Variants in CAPN8 observed in about 807,000 individuals in gnomAD.
CAPN8 encodes the protein calpain-8.
A neutral mutation model predicts 80.9 loss-of-function variants in CAPN8; 87 were observed. The ratio of observed to expected loss-of-function variants is 1.07; its 90% CI spans 0.90 to 1.28. The LOEUF is 1.28. CAPN8 is among the 50% of genes most tolerant of loss of function. The pLI is 0.00. For synonymous variants in CAPN8, 299 were observed against 273.8 expected, an observed-to-expected ratio of 1.09 and a Z score of -0.91; for missense variants, 757 against 702.0, an observed-to-expected ratio of 1.08 and a Z score of -0.89.
chr1:223,655,539 T>G (rs1450057417), intron 1 of CAPN8, among the ~76,000 whole-genome samples: 1 of 152,222 alleles, frequency 6.6e-6, no homozygotes, highest in Admixed American at 6.5e-5. Context: ...AACCACGTAG[T>G]TCTTGGCCTC....
chr1:223,625,597 G>A (rs34993691), intron 6 of CAPN8, among the ~76,000 whole-genome samples: 86,936 of 151,978 alleles, frequency 0.57, 25,387 homozygotes, highest in African/African-American at 0.66. Flanking sequence ...ACACCTGGCC[G>A]GAAGAGCTGT....
intron 5 of CAPN8, among the ~76,000 whole-genome samples, chr1:223,626,138 A>G (rs1657570076): frequency 6.6e-6 from 1 of 152,026 alleles, no homozygotes; most frequent in Non-Finnish European, 1.5e-5. Flanking sequence ...TCAAAATGCC[A>G]CCAAGAAACT....
chr1:223,647,752 C>A (rs1313544431), intron 2 of CAPN8, among the ~76,000 whole-genome samples: 1 of 152,116 alleles, frequency 6.6e-6, no homozygotes, highest in African/African-American at 2.4e-5. Flanking sequence ...CATAAAAAAA[C>A]AATTATACTG....
intron 2 of CAPN8, among the ~76,000 whole-genome samples, chr1:223,637,481 C>A (rs1657932804): frequency 6.6e-6 from 1 of 152,186 alleles, no homozygotes; most frequent in Admixed American, 6.5e-5. Flanking sequence ...GCAGGCTGAC[C>A]AGGTGGCACA....
intron 5 of CAPN8, 123 bp from the exon 6 acceptor site, chr1:223,626,011 G>A (rs1329131418): frequency 4.3e-6 from 3 of 692,106 alleles, no homozygotes; most frequent in Non-Finnish European, 2.6e-6. Flanking sequence ...AGGGGTGTAG[G>A]CATGGCTATG....
At position 223,615,854 on chromosome 1, in the gene CAPN8, C is replaced by T. The variant is rs114411900; in HGVS notation, c.1311+116G>A. On this transcript the variant is annotated intron_variant, in intron 10 of 20. Coordinates refer to ENST00000366872, the MANE Select transcript of CAPN8 (RefSeq NM_001143962.2). ...GGAGAGGTATATAGAGGAGCAAGGA[C>T]GCTTCTCGATTAGGAATACTCCAGC... 308 of 1,279,508 alleles carry T rather than the reference C, an allele frequency of 2.4e-4. No individual in the cohort carries two copies. The African/African-American group carries it at 2.9e-3, about 12-fold the overall frequency. The allele number at this position is 1,279,508 out of a possible 1,614,324, so 79.3% of individuals were successfully genotyped here.
At chr1:223,644,184 T>C (rs1254282272) in intron 2 of CAPN8, 2 of 374,538 alleles carry the variant, frequency 5.3e-6, no homozygotes, top group Non-Finnish European at 1.0e-5. Flanking sequence ...TTAACTCTGT[T>C]TTAGAATAAA....
chr1:223,629,105 T>G, intron 2 of CAPN8: 1 of 322,724 alleles, frequency 3.1e-6, no homozygotes, highest in Non-Finnish European at 5.8e-6. Context: ...AAAAGAAAAT[T>G]AGTCCCTTTG....
At chr1:223,542,958 TCCTC>T (rs1385330241) in intron 20 of CAPN8, 146 bp downstream of exon 20, 25 of 724,290 alleles carry the variant, frequency 3.5e-5, no homozygotes, top group Non-Finnish European at 5.4e-5. Context: ...ACAGTTGCCT[TCCTC>T]CCTGCTGGGT....
chr1:223,632,780 C>T (rs1379125535), intron 2 of CAPN8, among the ~76,000 whole-genome samples: 1 of 152,228 alleles, frequency 6.6e-6, no homozygotes, highest in Non-Finnish European at 1.5e-5. Context: ...ACAAGTCCCT[C>T]CTGGCCACCT....
intron 1 of CAPN8, among the ~76,000 whole-genome samples, chr1:223,659,887 G>A (rs760792679): frequency 3.3e-5 from 5 of 152,136 alleles, no homozygotes; most frequent in Non-Finnish European, 4.4e-5. Flanking sequence ...CCTGACGCAC[G>A]AGCTCATGCT....
At chr1:223,662,497 C>T (rs11808496) in intron 1 of CAPN8, among the ~76,000 whole-genome samples, 6,115 of 151,924 alleles carry the variant, frequency 0.04, 134 homozygotes, top group Non-Finnish European at 0.053. Flanking sequence ...AGAAAGGAAA[C>T]GAAATTCGGG....
intron 2 of CAPN8, among the ~76,000 whole-genome samples, chr1:223,645,485 C>T (rs912005613): frequency 6.6e-6 from 1 of 152,182 alleles, no homozygotes; most frequent in South Asian, 2.1e-4. Context: ...ACACTGCTCC[C>T]AAGCAGACAC....
intron 11 of CAPN8, among the ~76,000 whole-genome samples, chr1:223,609,665 C>G (rs1656984593): frequency 6.6e-6 from 1 of 152,182 alleles, no homozygotes; most frequent in African/African-American, 2.4e-5. Flanking sequence ...CAGCTTCTCT[C>G]TGGATATTTT....
At chr1:223,610,142 T>C (rs1308858071) in intron 11 of CAPN8, among the ~76,000 whole-genome samples, 1 of 152,232 alleles carries the variant, frequency 6.6e-6, no homozygotes, top group African/African-American at 2.4e-5. Context: ...ACCATCAATC[T>C]TCATCAAGAT....
intron 13 of CAPN8, among the ~76,000 whole-genome samples, chr1:223,555,608 T>A (rs1452942304): frequency 1.3e-5 from 2 of 152,056 alleles, no homozygotes; most frequent in African/African-American, 2.4e-5. Flanking sequence ...GTCCATAAAT[T>A]CCAGACATGG....
chr1:223,627,967 G>A, intron 4 of CAPN8, 42 bp downstream of exon 4: 1 of 1,490,528 alleles, frequency 6.7e-7, no homozygotes, highest in Non-Finnish European at 9.0e-7. Flanking sequence ...GAGCTTTCAG[G>A]GAGGCTCTGG....
chr1:223,616,648 C>A (rs1256814002), intron 9 of CAPN8, among the ~76,000 whole-genome samples: 2 of 152,190 alleles, frequency 1.3e-5, no homozygotes, highest in African/African-American at 2.4e-5. Context: ...ACTATTAAGA[C>A]AACTGCTCTT....
intron 6 of CAPN8, among the ~76,000 whole-genome samples, chr1:223,624,019 A>G (rs1657486100): frequency 1.3e-5 from 2 of 152,076 alleles, no homozygotes; most frequent in South Asian, 4.1e-4. Flanking sequence ...AAAAGAAAAA[A>G]GAAAAGCATA....
Sources: allele counts gnomAD v4.1 joint callset (sites outside exome capture counted in the v4.1 genomes callset), GRCh38; gene constraint gnomAD v4.1.1; transcripts MANE v1.5; gene names NCBI Gene and HGNC (gene_info 2026-07-23, HGNC 2026-07-21).